The following CEACAM6 variants were observed in gnomAD, a reference collection of about 807,000 sequenced individuals.
CEACAM6 encodes the protein cell adhesion molecule CEACAM6.
CEACAM6 carries 21 observed loss-of-function variants against 32.4 expected under a neutral mutation model. That is an observed-to-expected ratio of 0.65 (90% CI 0.46 to 0.93). The LOEUF is 0.93. Ranked by LOEUF, CEACAM6 falls within the 40% of genes least tolerant of loss-of-function variation. CEACAM6 has a pLI of 0.00. For synonymous variants in CEACAM6, 184 were observed against 174.4 expected, an observed-to-expected ratio of 1.06 and a Z score of -0.43; for missense variants, 406 against 432.2, an observed-to-expected ratio of 0.94 and a Z score of 0.54.
intron 2 of CEACAM6, among the ~76,000 whole-genome samples, chr19:41,760,809 C>A (rs1364611043): frequency 6.6e-6 from 1 of 152,148 alleles, no homozygotes; most frequent in African/African-American, 2.4e-5. Flanking sequence ...CATCATCACC[C>A]ATCTCTAGAA....
intron 2 of CEACAM6, among the ~76,000 whole-genome samples, chr19:41,758,985 A>G (rs1378001671): frequency 6.6e-6 from 1 of 152,196 alleles, no homozygotes; most frequent in African/African-American, 2.4e-5. Context: ...AGGCCACGGG[A>G]CAGGGACAAG....
In CEACAM6 at chr19:41,761,537, T is replaced by C. The variant is rs1447192865; in HGVS notation, c.703+10T>C. 1.9e-6 allele frequency: 3 copies of C among 1,613,032 alleles called. No homozygotes were observed. In the African/African-American group the frequency reaches 4.0e-5, roughly 22 times the overall value. On this transcript the variant is annotated intron_variant, in intron 3 of 5. Transcript: ENST00000199764. Reference sequence around the variant, plus strand: ...ACCCTGAATGTCCTCTGTGAGTATCTTCTGTTCCTCTGTGGCCCAGGCTGC... The same window carrying C: ...ACCCTGAATGTCCTCTGTGAGTATCCTCTGTTCCTCTGTGGCCCAGGCTGC...
At chr19:41,757,634 G>A (rs545971132) in intron 2 of CEACAM6, among the ~76,000 whole-genome samples, 1 of 152,174 alleles carries the variant, frequency 6.6e-6, no homozygotes, top group Non-Finnish European at 1.5e-5. Context: ...TTACTCCCTG[G>A]GAAGTTCAGA....
rs782496489 is a variant in CEACAM6, at chr19:41,771,576, T to A, written c.*815T>A. The A allele has an allele frequency of 1.3e-5, 2 of 152,252 alleles. No homozygotes were observed. The highest frequency in any genetic ancestry group is 2.4e-5 in the African/African-American group (1 of 41,466). 9.4% of individuals were successfully genotyped at this position (152,252 alleles called of 1,614,324 possible). On this transcript the variant is annotated 3_prime_UTR_variant, in exon 6 of 6. Transcript: ENST00000199764. ...ATTCTATTTTAGTTGGTTTGTATCT[T>A]GCCTAAGGTGCGTAGTCCAACTCTT...
chr19:41,768,389 C>A lies in CEACAM6; in HGVS notation c.*40+2090C>A, dbSNP rs563401071. 5.3e-5 allele frequency among the ~76,000 whole-genome samples: 8 copies of A among 152,322 alleles called. No individual in the cohort carries two copies. In the East Asian group the frequency reaches 1.5e-3, roughly 29 times the overall value. ...CATTTAACCCTGAGTGGACACAGCA[C>A]ATGTTTCAGAGAGCACAAGTTTGGG... On this transcript the variant is annotated intron_variant, in intron 5 of 5. Transcript: ENST00000199764.
chr19:41,766,962 TGCCACTGC>T (rs1473759258), intron 5 of CEACAM6, among the ~76,000 whole-genome samples: 1 of 138,342 alleles, frequency 7.2e-6, no homozygotes, highest in Non-Finnish European at 1.5e-5. Context: ...GCCGAGATCG[TGCCACTGC>T]ACTCCAGCCT....
At chr19:41,768,759 C>A (rs1397641463) in intron 5 of CEACAM6, among the ~76,000 whole-genome samples, 3 of 139,594 alleles carry the variant, frequency 2.1e-5, no homozygotes, top group African/African-American at 8.1e-5. Flanking sequence ...CCGGACGGGG[C>A]GGCTGGCCGG....
At chr19:41,770,635 C>T (rs1449540107) in intron 5 of CEACAM6, among the ~76,000 whole-genome samples, 167 bp from the exon 6 acceptor site, 1 of 151,770 alleles carries the variant, frequency 6.6e-6, no homozygotes, top group Non-Finnish European at 1.5e-5. Flanking sequence ...AGGCCAAGTT[C>T]GATGAGACTA....
At chr19:41,756,453 GACACACACACACACAC>G (rs4060857) in intron 1 of CEACAM6, 131 bp from the exon 2 acceptor site, 31 of 920,602 alleles carry the variant, frequency 3.4e-5, no homozygotes, top group African/African-American at 9.8e-5. Context: ...GACTCAGTAG[GACACACACACACACAC>G]ACACACACAC....
At chr19:41,756,471 C>T (rs1555821011) in intron 1 of CEACAM6, 129 bp from the exon 2 acceptor site, 4 of 1,362,272 alleles carry the variant, frequency 2.9e-6, no homozygotes, top group Non-Finnish European at 3.9e-6. Context: ...CACACACACA[C>T]ACACACACAC....
At chr19:41,760,628 C>T (rs1345809200) in intron 2 of CEACAM6, among the ~76,000 whole-genome samples, 3 of 152,200 alleles carry the variant, frequency 2.0e-5, no homozygotes, top group Admixed American at 2.0e-4. Flanking sequence ...AGGCTCAAGT[C>T]AGTCATTATT....
At position 41,756,753 on chromosome 19, in the gene CEACAM6, T is replaced by C. The variant is rs1392952384; in HGVS notation, c.218T>C (p.Val73Ala). Residue 73 changes from valine (V) to alanine (A), a missense_variant, in exon 2 of 6, where the codon GTG (valine) becomes GCG (alanine). By Grantham distance (64) the Val-to-Ala change is moderately conservative. Coordinates refer to ENST00000199764, the MANE Select transcript of CEACAM6 (RefSeq NM_002483.7). ...IGYSWYKGER[V>A]DGNSLIVGYV... ...TACAGCTGGTACAAAGGCGAAAGAG[T>C]GGATGGCAACAGTCTAATTGTAGGA... The C allele has an allele frequency of 6.2e-7, 1 of 1,613,528 alleles. No individual in the cohort carries two copies. Among genetic ancestry groups the C allele is most frequent in the Non-Finnish European group, 8.5e-7 (1 of 1,179,864 alleles).
chr19:41,761,314 G>T lies in CEACAM6; in HGVS notation c.490G>T (p.Ala164Ser). The change falls in exon 3 of 6, where the codon GCC (alanine) becomes TCC (serine). Residue 164 changes from alanine (A) to serine (S), a missense_variant. Coordinates refer to ENST00000199764, the MANE Select transcript of CEACAM6 (RefSeq NM_002483.7). Reference sequence around the variant, plus strand: ...CCCCGTGGAGGACAAGGATGCTGTGGCCTTCACCTGTGAACCTGAGGTTCA... The same window carrying T: ...CCCCGTGGAGGACAAGGATGCTGTGTCCTTCACCTGTGAACCTGAGGTTCA... ...SNPVEDKDAV[A>S]FTCEPEVQNT... The T allele has an allele frequency of 1.2e-6, 2 of 1,614,152 alleles. No individual in the cohort carries two copies. Among genetic ancestry groups the T allele is most frequent in the South Asian group, 1.1e-5 (1 of 91,074 alleles).
intron 2 of CEACAM6, among the ~76,000 whole-genome samples, chr19:41,757,636 A>G (rs2072897484): frequency 6.6e-6 from 1 of 152,140 alleles, no homozygotes; most frequent in African/African-American, 2.4e-5. Flanking sequence ...ACTCCCTGGG[A>G]AGTTCAGAGT....
At chr19:41,758,599 T>C (rs544635217) in intron 2 of CEACAM6, among the ~76,000 whole-genome samples, 1 of 152,264 alleles carries the variant, frequency 6.6e-6, no homozygotes, top group Admixed American at 6.5e-5. Flanking sequence ...AAGAGGCTCC[T>C]GGTCCCTGGG....
intron 4 of CEACAM6, among the ~76,000 whole-genome samples, 165 bp downstream of exon 4, chr19:41,762,388 C>T (rs1171150033): frequency 6.6e-6 from 1 of 152,086 alleles, no homozygotes; most frequent in Non-Finnish European, 1.5e-5. Flanking sequence ...CTCTTTTCCC[C>T]TTGTTTTTTT....
intron 5 of CEACAM6, among the ~76,000 whole-genome samples, chr19:41,767,590 AC>A (rs1193908927): frequency 1.3e-5 from 2 of 152,232 alleles, no homozygotes; most frequent in African/African-American, 2.4e-5. Context: ...TCAAGCCCCA[AC>A]CATAAATTCT....
chr19:41,769,950 T>C (rs535786175), intron 5 of CEACAM6, among the ~76,000 whole-genome samples: 1 of 150,976 alleles, frequency 6.6e-6, no homozygotes, highest in South Asian at 2.1e-4. Context: ...ACACTGGTTA[T>C]ATTACCCAGG....
At chr19:41,769,752 T>A (rs1009342639) in intron 5 of CEACAM6, among the ~76,000 whole-genome samples, 19 of 148,882 alleles carry the variant, frequency 1.3e-4, no homozygotes, top group Non-Finnish European at 8.9e-5. Flanking sequence ...ATAAAATAAT[T>A]ATTATTGATA....
Sources: gnomAD v4.1 joint callset for allele counts (sites outside exome capture counted in the v4.1 genomes callset) on GRCh38, gnomAD v4.1.1 for gene constraint, MANE v1.5 for transcripts, NCBI Gene and HGNC (gene_info 2026-07-23, HGNC 2026-07-21) for gene names.